ABI2: variants seen among roughly 807,000 people sequenced by gnomAD.
ABI2 encodes the protein abelson interactor 2.
A neutral mutation model predicts 59.2 loss-of-function variants in ABI2; 25 were observed. The ratio of observed to expected loss-of-function variants is 0.42; its 90% confidence interval spans 0.31 to 0.59. The LOEUF (loss-of-function observed/expected upper bound fraction) is 0.59, where lower values mean the gene tolerates loss of function less well. Among genes scored for constraint, ABI2 ranks in the 20% least tolerant of loss-of-function variants. The probability of loss-of-function intolerance (pLI) is 0.14; values close to 1 mark genes in which losing one functional copy is unlikely to be tolerated. For missense variants in ABI2, 545 were observed against 681.8 expected (o/e 0.80, Z 2.23); for synonymous variants, 213 against 235.5 (o/e 0.90, Z 0.87).
rs756359107 is a variant in ABI2, at chr2:203,391,138, A to G, written c.573A>G (p.Thr191=). The change falls in exon 5 of 12, where the codon ACA becomes ACG. Residue 191 remains threonine, a synonymous_variant. Transcript: ENST00000261018. ...GTCCCCCTATGTCAGGGAAAGGGAC[A>G]CTTGGGTGAGTATATAAGTAGTAAT... The part of the protein sequence containing the change: ...PPSPPMSGKG[T]LGRHSPYRTL... 2 of 1,611,044 alleles carry G rather than the reference A, an allele frequency of 1.2e-6. No individual in the cohort carries two copies. Among genetic ancestry groups the G allele is most frequent in the Non-Finnish European group, 1.7e-6 (2 of 1,178,168 alleles).
chr2:203,378,097 T>C (rs1348730914), intron 2 of ABI2, among the ~76,000 whole-genome samples: 1 of 151,738 alleles, frequency 6.6e-6, no homozygotes, highest in Admixed American at 6.6e-5. Flanking sequence ...ATTTTTTTTC[T>C]TTTTCTTTTT....
chr2:203,354,756 A>G (rs2090995535), intron 1 of ABI2, among the ~76,000 whole-genome samples: 1 of 152,234 alleles, frequency 6.6e-6, no homozygotes, highest in South Asian at 2.1e-4. Flanking sequence ...ATTACAGGGA[A>G]GAACCTGAAT....
intron 6 of ABI2, 155 bp downstream of exon 6, chr2:203,395,001 C>G: frequency 1.2e-6 from 1 of 860,266 alleles, no homozygotes; most frequent in Non-Finnish European, 1.9e-6. Context: ...TCCTCATGTT[C>G]TGATTCAACT....
intron 1 of ABI2, among the ~76,000 whole-genome samples, chr2:203,361,486 C>T (rs2093499192): frequency 1.3e-5 from 2 of 152,076 alleles, no homozygotes; most frequent in Admixed American, 1.3e-4. Context: ...AAAAAGTTCT[C>T]TATAATGGTG....
intron 1 of ABI2, among the ~76,000 whole-genome samples, chr2:203,332,329 T>G (rs2074163476): frequency 6.6e-6 from 1 of 151,982 alleles, no homozygotes; most frequent in Non-Finnish European, 1.5e-5. Flanking sequence ...TCTTCATTTA[T>G]TAATATACAC....
At chr2:203,372,423 C>T (rs1031580766) in intron 2 of ABI2, among the ~76,000 whole-genome samples, 2 of 152,228 alleles carry the variant, frequency 1.3e-5, no homozygotes, top group Admixed American at 1.3e-4. Flanking sequence ...CATCCCGGCC[C>T]GTTCTCAATG....
At chr2:203,358,315 A>T (rs1476113521) in intron 1 of ABI2, among the ~76,000 whole-genome samples, 1 of 151,676 alleles carries the variant, frequency 6.6e-6, no homozygotes, top group Non-Finnish European at 1.5e-5. Flanking sequence ...TTTTATTTTT[A>T]TTTTTTATTT....
At chr2:203,369,947 T>C (rs572719641) in intron 2 of ABI2, among the ~76,000 whole-genome samples, 5 of 152,192 alleles carry the variant, frequency 3.3e-5, no homozygotes, top group African/African-American at 1.2e-4. Flanking sequence ...CAGGTAGAAT[T>C]CTTTATTTAA....
rs752911948 is a variant in ABI2, at chr2:203,328,572, T to A, written c.58T>A (p.Phe20Ile). Residue 20 changes from phenylalanine (F) to isoleucine (I), a missense_variant, in exon 1 of 12, where the codon TTC (phenylalanine) becomes ATC (isoleucine). Around this residue, in one of 4 missense-constraint regions of ABI2, gnomAD observed 55 missense variants for 59.7 expected, o/e 0.92. Coordinates refer to ENST00000261018, the MANE Select transcript of ABI2 (RefSeq NM_001375670.1). The stretch of plus-strand genomic sequence containing the variant: ...AATCCCGGGGGGCCGCCGGGCCCTC[T>A]TCGACAGCTACACAAATCTGGAACG... The part of the protein sequence containing the change: ...EEIPGGRRAL[F>I]DSYTNLERVA... 1 of 1,605,660 alleles carries A rather than the reference T, an allele frequency of 6.2e-7. No homozygotes were observed. Among genetic ancestry groups the A allele is most frequent in the South Asian group, 1.1e-5 (1 of 90,536 alleles).
chr2:203,394,943 C>A (rs2096912179), intron 6 of ABI2, 97 bp downstream of exon 6: 7 of 1,333,462 alleles, frequency 5.2e-6, no homozygotes, highest in Non-Finnish European at 7.4e-6. Context: ...GCACTAAGTT[C>A]TTTTCCTCAC....
intron 2 of ABI2, 144 bp downstream of exon 2, chr2:203,367,188 A>T: frequency 8.6e-7 from 1 of 1,159,982 alleles, no homozygotes; most frequent in East Asian, 2.9e-5. Context: ...GGTTGTTTTT[A>T]GATTCTGTCT....
chr2:203,418,902 A>G (rs2098040648), intron 11 of ABI2, among the ~76,000 whole-genome samples: 1 of 152,206 alleles, frequency 6.6e-6, no homozygotes, highest in Non-Finnish European at 1.5e-5. Context: ...TCAATTTGCT[A>G]AAAACCAGTA....
chr2:203,365,820 G>A (rs1577211254), intron 1 of ABI2, among the ~76,000 whole-genome samples: 3 of 151,584 alleles, frequency 2.0e-5, no homozygotes, highest in African/African-American at 2.4e-5. Flanking sequence ...TAGTAGAGAC[G>A]GGGTTTCACC....
chr2:203,382,092 TTTC>T lies in ABI2; in HGVS notation c.463-94_463-92del, dbSNP rs2096170329. ...TTAATGCTGAATGCTTAACTTGTTT[TTTC>T]TTTTTTTCCTTTCTCTTCACATCCT... On this transcript the variant is annotated intron_variant, in intron 3 of 11. Coordinates refer to ENST00000261018, the MANE Select transcript of ABI2 (RefSeq NM_001375670.1). 7.5e-6 allele frequency: 8 copies of T among 1,060,488 alleles called. No homozygotes were observed. The South Asian group carries it at 8.0e-5, about 11-fold the overall frequency. 65.7% of individuals were successfully genotyped at this position (1,060,488 alleles called of 1,614,324 possible).
chr2:203,355,205 A>G (rs539589218), intron 1 of ABI2: 132 of 403,222 alleles, frequency 3.3e-4, no homozygotes, highest in African/African-American at 2.4e-3. Context: ...CAAAGAATAC[A>G]TGGAAAGTTA....
chr2:203,359,225 G>A (rs2092955281), intron 1 of ABI2, among the ~76,000 whole-genome samples: 1 of 152,038 alleles, frequency 6.6e-6, no homozygotes, highest in Admixed American at 6.6e-5. Flanking sequence ...GACAGATTAA[G>A]GTTTTTTTAA....
chr2:203,426,736 C>T (rs1320069403), intron 11 of ABI2, among the ~76,000 whole-genome samples: 2 of 144,530 alleles, frequency 1.4e-5, no homozygotes, highest in Admixed American at 1.4e-4. Flanking sequence ...ACTTGACTCT[C>T]ATAGTGTATC....
Position 203,342,552 on chromosome 2 carries a change from TTTTA to T in ABI2, c.117+13961_117+13964del, listed in dbSNP as rs10623488. Among the ~76,000 whole-genome samples, 1,188 of 140,462 alleles carry T rather than the reference TTTTA, an allele frequency of 8.5e-3. 9 individuals carry two copies. Among genetic ancestry groups the T allele is most frequent in the African/African-American group, 0.022 (829 of 38,306 alleles). The allele number at this position is 140,462 out of a possible 152,430, so 92.1% of individuals were successfully genotyped here. A position where few individuals can be genotyped will look rare whatever the true frequency, so the allele number is the denominator to read the frequency against. On this transcript the variant is annotated intron_variant, in intron 1 of 11. Transcript: ENST00000261018. ...GTGATTCCATGTCTCCCTCAAAACC[TTTTA>T]TTTATTTATTTATTTATTTATTTAT... is the stretch of plus-strand genomic sequence containing the variant.
intron 2 of ABI2, among the ~76,000 whole-genome samples, chr2:203,374,403 G>C (rs972159324): frequency 1.3e-5 from 2 of 151,368 alleles, no homozygotes; most frequent in African/African-American, 2.4e-5. Flanking sequence ...TGGAGGCTGA[G>C]GTAGGAGAAT....
Sources: allele counts gnomAD v4.1 joint callset (sites outside exome capture counted in the v4.1 genomes callset), GRCh38; gene constraint gnomAD v4.1.1; regional missense constraint gnomAD v4.1.1; transcripts MANE v1.5; gene names NCBI Gene and HGNC (gene_info 2026-07-23, HGNC 2026-07-21).